Variants in FANCC observed in about 807,000 individuals in gnomAD.
The protein encoded by FANCC is FA complementation group C, also known as Fanconi anemia group C protein.
In FANCC, 55 loss-of-function variants were observed where a neutral mutation model predicts 71.3. That is an observed-to-expected ratio of 0.77 (90% CI 0.62 to 0.97). The LOEUF is 0.97. Among genes scored for constraint, FANCC ranks in the 50% least tolerant of loss-of-function variants. The probability of loss-of-function intolerance (pLI) is 0.00; values close to 1 mark genes in which losing one functional copy is unlikely to be tolerated. For synonymous variants in FANCC, 275 were observed against 244.9 expected, an observed-to-expected ratio of 1.12 and a Z score of -1.15; for missense variants, 678 against 670.9, an observed-to-expected ratio of 1.01 and a Z score of -0.12.
chr9:95,137,407 C>G (rs1827862379), intron 7 of FANCC, among the ~76,000 whole-genome samples: 1 of 152,076 alleles, frequency 6.6e-6, no homozygotes, highest in Non-Finnish European at 1.5e-5. Context: ...ACATTCACCT[C>G]AGAGCCTCCT....
intron 6 of FANCC, among the ~76,000 whole-genome samples, chr9:95,158,530 AT>A (rs555240191): frequency 3.5e-3 from 538 of 152,338 alleles, no homozygotes; most frequent in African/African-American, 0.012. Context: ...TTGGCAAAAA[AT>A]TATCTTTATG....
chr9:95,262,133 C>G (rs1832088370), intron 1 of FANCC, among the ~76,000 whole-genome samples: 1 of 152,012 alleles, frequency 6.6e-6, no homozygotes, highest in Admixed American at 6.6e-5. Context: ...GTCTGAGTCA[C>G]CGAGATAACA....
chr9:95,183,493 C>T (rs1196227589), intron 4 of FANCC, among the ~76,000 whole-genome samples: 1 of 152,218 alleles, frequency 6.6e-6, no homozygotes, highest in Non-Finnish European at 1.5e-5. Context: ...CTGCAGGATT[C>T]CCTTGTGACC....
At chr9:95,108,410 G>A (rs1400358006) in intron 13 of FANCC, among the ~76,000 whole-genome samples, 3 of 152,180 alleles carry the variant, frequency 2.0e-5, no homozygotes, top group Non-Finnish European at 4.4e-5. Flanking sequence ...AAATGTCAGG[G>A]TTTAGGAGGC....
chr9:95,132,839 T>G (rs1338794877), intron 8 of FANCC, among the ~76,000 whole-genome samples: 1 of 152,156 alleles, frequency 6.6e-6, no homozygotes, highest in East Asian at 1.9e-4. Context: ...GTACCACACT[T>G]TTATCTTTTG....
intron 14 of FANCC, among the ~76,000 whole-genome samples, chr9:95,102,688 G>A (rs2071153582): frequency 6.6e-6 from 1 of 152,198 alleles, no homozygotes; most frequent in Admixed American, 6.5e-5. Flanking sequence ...GTTTTCCCAG[G>A]ACTATTCTGG....
rs188659251 is a variant in FANCC at position 95,171,155 on chromosome 9, A to C, written c.457-12T>G. ...AATGATAAAACCATCTGTAAAACAA[A>C]ATCAGTTGCAGGTTAACTCACGCTG... On this transcript the variant is annotated splice_polypyrimidine_tract_variant and intron_variant, in intron 5 of 14. Transcript: ENST00000289081. 4 of 1,608,326 alleles carry C rather than the reference A, an allele frequency of 2.5e-6. No homozygotes were observed. Among genetic ancestry groups the C allele is most frequent in the Non-Finnish European group, 3.4e-6 (4 of 1,174,986 alleles).
intron 9 of FANCC, 66 bp from the exon 10 acceptor site, chr9:95,125,251 C>G: frequency 1.5e-6 from 2 of 1,298,674 alleles, no homozygotes; most frequent in South Asian, 2.4e-5. Flanking sequence ...AAAACCTGCA[C>G]TGTATAAGGG....
At chr9:95,311,781 A>C (rs1414531134) in intron 1 of FANCC, among the ~76,000 whole-genome samples, 1 of 151,660 alleles carries the variant, frequency 6.6e-6, no homozygotes, top group Non-Finnish European at 1.5e-5. Context: ...ATGGGTAGTC[A>C]CCAGAGTAAC....
intron 13 of FANCC, among the ~76,000 whole-genome samples, chr9:95,108,689 A>T (rs1322900325): frequency 6.6e-6 from 1 of 152,234 alleles, no homozygotes; most frequent in Non-Finnish European, 1.5e-5. Context: ...ACTATGGAAA[A>T]TTTGAAAAGA....
intron 1 of FANCC, among the ~76,000 whole-genome samples, chr9:95,275,124 A>AG (rs1215153822): frequency 1.3e-5 from 2 of 151,254 alleles, no homozygotes; most frequent in African/African-American, 4.9e-5. Context: ...AAAAAAAAAA[A>AG]GAAAAATAAA....
intron 14 of FANCC, among the ~76,000 whole-genome samples, chr9:95,103,095 CTG>C (rs997504899): frequency 2.0e-5 from 3 of 152,146 alleles, no homozygotes; most frequent in Non-Finnish European, 4.4e-5. Context: ...TGTGAGCCTG[CTG>C]TGGACCCCTT....
In FANCC at chr9:95,171,146, G is replaced by A. The variant is rs764903292; in HGVS notation, c.457-3C>T. The A allele has an allele frequency of 3.1e-6, 5 of 1,611,838 alleles. No individual in the cohort carries two copies. The South Asian group carries it at 4.4e-5, about 14-fold the overall frequency. On this transcript the variant is annotated splice_polypyrimidine_tract_variant and splice_region_variant and intron_variant, in intron 5 of 14. Transcript: ENST00000289081. ...TCAGACGCTAATGATAAAACCATCTGTAAAACAAAATCAGTTGCAGGTTAA... is the reference window on the plus strand; with the variant it reads ...TCAGACGCTAATGATAAAACCATCTATAAAACAAAATCAGTTGCAGGTTAA...
chr9:95,103,451 C>T (rs1431674820), intron 14 of FANCC, among the ~76,000 whole-genome samples: 2 of 152,180 alleles, frequency 1.3e-5, no homozygotes, highest in Non-Finnish European at 2.9e-5. Flanking sequence ...TTGCTGTGGC[C>T]CAGCAGCAGG....
intron 4 of FANCC, among the ~76,000 whole-genome samples, chr9:95,227,115 G>C (rs551922670): frequency 1.3e-4 from 20 of 152,290 alleles, no homozygotes; most frequent in Admixed American, 1.1e-3. Flanking sequence ...CAGAGTTCCT[G>C]AGAGCCCGAC....
intron 7 of FANCC, among the ~76,000 whole-genome samples, chr9:95,147,343 C>T (rs974563710): frequency 3.3e-5 from 5 of 152,090 alleles, no homozygotes; most frequent in Admixed American, 1.3e-4. Flanking sequence ...CATGGAAAAC[C>T]CTGTCTCTAC....
chr9:95,261,264 A>G (rs566683822), intron 1 of FANCC, among the ~76,000 whole-genome samples: 1 of 152,320 alleles, frequency 6.6e-6, no homozygotes, highest in East Asian at 1.9e-4. Context: ...ATCGCAGGTA[A>G]TCTACAAACC....
chr9:95,241,241 T>C (rs1830610592), intron 3 of FANCC, among the ~76,000 whole-genome samples: 1 of 152,230 alleles, frequency 6.6e-6, no homozygotes, highest in South Asian at 2.1e-4. Flanking sequence ...TTTGCCAAAA[T>C]AGCTCCACTT....
At chr9:95,188,535 A>T (rs1042399876) in intron 4 of FANCC, among the ~76,000 whole-genome samples, 1 of 152,164 alleles carries the variant, frequency 6.6e-6, no homozygotes, top group African/African-American at 2.4e-5. Flanking sequence ...GAAGGGAGAA[A>T]TTTCCATCCA....
Sources: allele counts gnomAD v4.1 joint callset (sites outside exome capture counted in the v4.1 genomes callset), GRCh38; gene constraint gnomAD v4.1.1; transcripts MANE v1.5; gene names NCBI Gene and HGNC (gene_info 2026-07-23, HGNC 2026-07-21).